Variants in ESRRG observed in about 807,000 individuals in gnomAD.
The protein encoded by ESRRG is estrogen-related receptor gamma.
Under a neutral mutation model 44.0 loss-of-function variants are expected in ESRRG, and 13 were observed. That is an observed-to-expected ratio of 0.30 (90% CI 0.19 to 0.47). ESRRG has a LOEUF of 0.47. Ranked by LOEUF, ESRRG falls within the 20% of genes least tolerant of loss-of-function variation. The pLI is 1.00. For missense variants in ESRRG, 395 were observed against 580.6 expected, an observed-to-expected ratio of 0.68 and a Z score of 3.29; for synonymous variants, 215 against 214.6, an observed-to-expected ratio of 1.00 and a Z score of -0.02.
At chr1:217,086,336 C>G (rs1163817360) in intron 1 of ESRRG, among the ~76,000 whole-genome samples, 1 of 152,152 alleles carries the variant, frequency 6.6e-6, no homozygotes, top group Non-Finnish European at 1.5e-5. Context: ...TGTAGCTATC[C>G]CCATTTCATA....
At chr1:216,996,298 T>A (rs887051805) in intron 1 of ESRRG, among the ~76,000 whole-genome samples, 1 of 151,758 alleles carries the variant, frequency 6.6e-6, no homozygotes, top group Non-Finnish European at 1.5e-5. Flanking sequence ...GTATAAAAAG[T>A]GTACATGCAG....
intron 3 of ESRRG, among the ~76,000 whole-genome samples, chr1:216,570,253 C>CAA (rs961513320): frequency 4.6e-5 from 7 of 152,054 alleles, no homozygotes; most frequent in Admixed American, 4.6e-4. Flanking sequence ...AAACAAATAT[C>CAA]AAAACCCAAA....
At chr1:217,103,482 C>CA (rs200078602) in intron 1 of ESRRG, among the ~76,000 whole-genome samples, 11,189 of 119,838 alleles carry the variant, frequency 0.093, 519 homozygotes, top group East Asian at 0.25. Flanking sequence ...CTCATCTCTA[C>CA]AAAAAAAAAA....
chr1:216,820,072 C>T (rs2095253156), intron 2 of ESRRG, among the ~76,000 whole-genome samples: 1 of 152,166 alleles, frequency 6.6e-6, no homozygotes, highest in Non-Finnish European at 1.5e-5. Flanking sequence ...GATCTCACTA[C>T]ATCCAAATTT....
At chr1:216,912,181 A>AGGAGAGG (rs2060486532) in intron 2 of ESRRG, among the ~76,000 whole-genome samples, 1 of 15,974 alleles carries the variant, frequency 6.3e-5, no homozygotes, top group Non-Finnish European at 1.1e-4. Flanking sequence ...AAAAGAAAAG[A>AGGAGAGG]AAAGGAGAGG....
intron 1 of ESRRG, among the ~76,000 whole-genome samples, chr1:216,682,594 G>T (rs2077206669): frequency 6.6e-6 from 1 of 151,996 alleles, no homozygotes; most frequent in South Asian, 2.1e-4. Flanking sequence ...AATCACTACT[G>T]ATTCAAAACA....
At chr1:217,069,026 G>A (rs1408688544) in intron 1 of ESRRG, among the ~76,000 whole-genome samples, 1 of 152,184 alleles carries the variant, frequency 6.6e-6, no homozygotes, top group African/African-American at 2.4e-5. Flanking sequence ...TGGATTCAAG[G>A]ATGCAAAGTA....
intron 1 of ESRRG, among the ~76,000 whole-genome samples, chr1:217,042,161 A>G (rs2083968244): frequency 1.3e-5 from 2 of 152,168 alleles, no homozygotes; most frequent in African/African-American, 4.8e-5. Context: ...GGATAGCTCT[A>G]TTTGTTTTTC....
chr1:216,980,228 A>G (rs2073720678), intron 1 of ESRRG, among the ~76,000 whole-genome samples: 2 of 152,200 alleles, frequency 1.3e-5, no homozygotes, highest in Admixed American at 1.3e-4. Context: ...AACTTTGGTC[A>G]GTAAAATTCA....
intron 2 of ESRRG, among the ~76,000 whole-genome samples, chr1:216,750,248 G>A (rs925316737): frequency 5.3e-5 from 8 of 152,096 alleles, no homozygotes; most frequent in Non-Finnish European, 1.0e-4. Flanking sequence ...GGCAGACATC[G>A]CCTCGGAGAG....
intron 4 of ESRRG, among the ~76,000 whole-genome samples, chr1:216,566,339 G>T (rs1382083765): frequency 1.3e-5 from 2 of 152,152 alleles, no homozygotes; most frequent in Non-Finnish European, 2.9e-5. Context: ...ATGGACTAAA[G>T]AAAATTAACA....
intron 3 of ESRRG, among the ~76,000 whole-genome samples, chr1:216,613,898 C>T (rs891340925): frequency 1.5e-4 from 23 of 152,214 alleles, no homozygotes; most frequent in African/African-American, 5.3e-4. Context: ...TAACCTTTAA[C>T]ACAAATAGAT....
At chr1:216,521,787 G>C (rs1046940376) in intron 5 of ESRRG, among the ~76,000 whole-genome samples, 6 of 152,214 alleles carry the variant, frequency 3.9e-5, no homozygotes, top group South Asian at 2.1e-4. Context: ...CGGTTGTCAG[G>C]GGGGTGCAGG....
chr1:216,538,821 T>C (rs1024007994), intron 5 of ESRRG, among the ~76,000 whole-genome samples: 2 of 151,984 alleles, frequency 1.3e-5, no homozygotes, highest in Non-Finnish European at 2.9e-5. Flanking sequence ...TGCAAGATGT[T>C]TATTAAATAA....
chr1:216,856,339 T>C (rs891032895), intron 2 of ESRRG, among the ~76,000 whole-genome samples: 1 of 143,738 alleles, frequency 7.0e-6, no homozygotes, highest in African/African-American at 2.7e-5. Context: ...TGTCTGTCTC[T>C]GCTTCTCTCT....
At chr1:216,779,112 A>G (rs1040459728) in intron 2 of ESRRG, among the ~76,000 whole-genome samples, 1 of 125,506 alleles carries the variant, frequency 8.0e-6, no homozygotes, top group Non-Finnish European at 1.6e-5. Flanking sequence ...ATATATATAT[A>G]TATATAATTA....
At chr1:217,015,670 T>C (rs937113585) in intron 1 of ESRRG, among the ~76,000 whole-genome samples, 13 of 151,832 alleles carry the variant, frequency 8.6e-5, no homozygotes, top group African/African-American at 2.9e-4. Context: ...ATGGCAAGCA[T>C]GGTTTGATAT....
At chr1:216,745,370 TC>T (rs1212615424) in intron 2 of ESRRG, among the ~76,000 whole-genome samples, 2 of 152,134 alleles carry the variant, frequency 1.3e-5, no homozygotes, top group African/African-American at 4.8e-5. Flanking sequence ...CATCATTTTT[TC>T]CCAAAGACAG....
chr1:217,012,089 T>C (rs1339224), intron 1 of ESRRG, among the ~76,000 whole-genome samples: 74,528 of 151,670 alleles, frequency 0.49, 18,547 homozygotes, highest in Admixed American at 0.58. Context: ...AAGTAATAAG[T>C]AAAACTTTGG....
Sources: gnomAD v4.1 joint callset for allele counts (sites outside exome capture counted in the v4.1 genomes callset) on GRCh38, gnomAD v4.1.1 for gene constraint, MANE v1.5 for transcripts, NCBI Gene and HGNC (gene_info 2026-07-23, HGNC 2026-07-21) for gene names.